PAPOLA: variants seen among roughly 807,000 people sequenced by gnomAD.
PAPOLA encodes the protein poly(A) polymerase alpha.
A neutral mutation model predicts 100.6 loss-of-function variants in PAPOLA; 15 were observed. The observed-to-expected ratio is 0.15, with a 90% confidence interval of 0.10 to 0.23. The LOEUF is 0.23. PAPOLA is among the 10% of genes least tolerant of loss of function. PAPOLA has a pLI of 1.00. For missense variants in PAPOLA, 533 were observed against 884.2 expected, an observed-to-expected ratio of 0.60 and a Z score of 5.04; for synonymous variants, 293 against 300.0, an observed-to-expected ratio of 0.98 and a Z score of 0.24.
chr14:96,556,354 G>A lies in PAPOLA; in HGVS notation c.1945G>A (p.Val649Ile), dbSNP rs1229720764. The A allele has an allele frequency of 3.1e-6, 5 of 1,613,946 alleles. No individual in the cohort carries two copies. The highest frequency in any genetic ancestry group is 4.2e-6 in the Non-Finnish European group (5 of 1,179,870). ...ATKIPTPIVG[V>I]KRTSSPHKEE... ...AAAAATACCTACTCCTATAGTAGGAGTCAAGAGGACATCCTCACCTCATAA... is the reference window on the plus strand; with the variant it reads ...AAAAATACCTACTCCTATAGTAGGAATCAAGAGGACATCCTCACCTCATAA... Residue 649 changes from valine (V) to isoleucine (I), a missense_variant, in exon 19 of 22, where the codon GTC becomes ATC. Val to Ile is a conservative substitution (Grantham distance 29). Around this residue, in one of 9 missense-constraint regions of PAPOLA, gnomAD observed 242 missense variants for 281.0 expected, o/e 0.86. Transcript: ENST00000216277.
intron 6 of PAPOLA, among the ~76,000 whole-genome samples, chr14:96,528,452 C>T (rs1019620978): frequency 2.2e-4 from 34 of 152,162 alleles, no homozygotes; most frequent in African/African-American, 8.2e-4. Context: ...ATGTTCATTT[C>T]TCCTTGCTGC....
At chr14:96,519,425 C>G (rs1897756939) in intron 1 of PAPOLA, among the ~76,000 whole-genome samples, 1 of 152,086 alleles carries the variant, frequency 6.6e-6, no homozygotes, top group Admixed American at 6.5e-5. Flanking sequence ...TTAAAGCATG[C>G]TATGCCTTTT....
At chr14:96,546,570 A>G (rs572841971) in intron 15 of PAPOLA, among the ~76,000 whole-genome samples, 1 of 152,204 alleles carries the variant, frequency 6.6e-6, no homozygotes, top group East Asian at 1.9e-4. Flanking sequence ...TGGAGCCAGA[A>G]GGGTAATAAA....
rs562479640 is a variant in PAPOLA at position 96,531,339 on chromosome 14, C to T, written c.496-136C>T. On this transcript the variant is annotated intron_variant, in intron 6 of 21. Transcript: ENST00000216277. ...TAGAGACAGGGTTTCGCCATGTTGC[C>T]CAGGCTGGTCTTGCTCAAGTGTTCC... The T allele has an allele frequency of 1.4e-5, 9 of 639,056 alleles. No homozygotes were observed. In the South Asian group the frequency reaches 1.6e-4, roughly 11 times the overall value. The allele number at this position is 639,056 out of a possible 1,614,324, so 39.6% of individuals were successfully genotyped here.
chr14:96,537,628 A>G (rs1321773283), intron 12 of PAPOLA: 1 of 153,212 alleles, frequency 6.5e-6, no homozygotes, highest in African/African-American at 2.4e-5. Context: ...TTTAAATATA[A>G]TGGTTTAATA....
rs1283872031 is a variant in PAPOLA, at chr14:96,565,393, T to A, written c.*343T>A. On this transcript the variant is annotated 3_prime_UTR_variant, in exon 22 of 22. Coordinates refer to ENST00000216277, the MANE Select transcript of PAPOLA (RefSeq NM_032632.5). ...GGAAAATTTGCAATACAAACTGGCATAAGAATTACTTATTCTGATGATGCA... is the reference window on the plus strand; with the variant it reads ...GGAAAATTTGCAATACAAACTGGCAAAAGAATTACTTATTCTGATGATGCA... 2 of 308,158 alleles carry A rather than the reference T, an allele frequency of 6.5e-6. No homozygotes were observed. Among genetic ancestry groups the A allele is most frequent in the East Asian group, 1.0e-4 (2 of 19,180 alleles). 19.1% of individuals were successfully genotyped at this position (308,158 alleles called of 1,614,324 possible).
chr14:96,536,440 G>A (rs1436948606), intron 11 of PAPOLA, among the ~76,000 whole-genome samples: 1 of 152,044 alleles, frequency 6.6e-6, no homozygotes. Context: ...TGAAGGTATA[G>A]CTACTACCAA....
chr14:96,527,930 G>A (rs2140274238), intron 5 of PAPOLA, 23 bp from the exon 6 acceptor site: 1 of 1,576,418 alleles, frequency 6.3e-7, no homozygotes, highest in East Asian at 2.2e-5. Flanking sequence ...CAGAGACCCT[G>A]AACTTGTTTA....
At chr14:96,502,956 T>C in intron 1 of PAPOLA, 1 of 275,158 alleles carries the variant, frequency 3.6e-6, no homozygotes, top group Non-Finnish European at 6.8e-6. Context: ...TGCCTGGTGG[T>C]GGGGAACCAC....
At chr14:96,541,810 T>C (rs555278801) in intron 12 of PAPOLA, 1 of 151,848 alleles carries the variant, frequency 6.6e-6, no homozygotes, top group Admixed American at 6.5e-5. Context: ...TTTGATACTG[T>C]TTTTGAAGTT....
intron 1 of PAPOLA, among the ~76,000 whole-genome samples, chr14:96,517,575 A>G (rs959360385): frequency 1.3e-5 from 2 of 152,222 alleles, no homozygotes; most frequent in African/African-American, 4.8e-5. Flanking sequence ...GGGGGAAAAA[A>G]AAACCTGTGT....
At chr14:96,510,002 G>A (rs78505090) in intron 1 of PAPOLA, among the ~76,000 whole-genome samples, 2,126 of 117,482 alleles carry the variant, frequency 0.018, 60 homozygotes, top group African/African-American at 0.067. Context: ...TGGATTGTAT[G>A]TAGGCCTGCT....
At chr14:96,517,739 T>C (rs1300100291) in intron 1 of PAPOLA, among the ~76,000 whole-genome samples, 1 of 150,476 alleles carries the variant, frequency 6.6e-6, no homozygotes, top group Non-Finnish European at 1.5e-5. Flanking sequence ...AGTTTTGCTC[T>C]GTTGCCCAGG....
chr14:96,548,866 A>T (rs1900604498), intron 16 of PAPOLA, among the ~76,000 whole-genome samples: 1 of 152,216 alleles, frequency 6.6e-6, no homozygotes, highest in African/African-American at 2.4e-5. Flanking sequence ...TTTGTTTCTT[A>T]AAACAATATA....
intron 3 of PAPOLA, among the ~76,000 whole-genome samples, chr14:96,522,064 A>AGTGCTT (rs1898016450): frequency 6.7e-6 from 1 of 149,352 alleles, no homozygotes; most frequent in Admixed American, 6.6e-5. Flanking sequence ...GGCCTCCCAA[A>AGTGCTT]GTGCTTGGGA....
chr14:96,549,494 T>C (rs1291570009), intron 16 of PAPOLA, among the ~76,000 whole-genome samples: 3 of 152,116 alleles, frequency 2.0e-5, no homozygotes, highest in African/African-American at 4.8e-5. Flanking sequence ...GTGATCCGCC[T>C]GCCTCAGCCT....
At chr14:96,502,771 TTCCCCCCGTGTGCTGGGTTCCCGCG>T in intron 1 of PAPOLA, 171 bp downstream of exon 1, 1 of 593,576 alleles carries the variant, frequency 1.7e-6, no homozygotes. Context: ...GCCGCCGCAC[TTCCCCCCGTGTGCTGGGTTCCCGCG>T]TCCCCCGACC....
chr14:96,510,872 G>A (rs1566832198), intron 1 of PAPOLA, among the ~76,000 whole-genome samples: 1 of 152,138 alleles, frequency 6.6e-6, no homozygotes, highest in Admixed American at 6.5e-5. Context: ...CTATCATGCC[G>A]TATACCTTGT....
rs1397456294 is a variant in PAPOLA, at chr14:96,502,482, C to T, written c.-111C>T. On this transcript the variant is annotated 5_prime_UTR_variant, in exon 1 of 22. Transcript: ENST00000216277. ...AGCGGTGCGGGAGAGGGGTTGGACCCAGGGCTGAGGCAGGCCCCCCCCTCC... is the reference window on the plus strand; with the variant it reads ...AGCGGTGCGGGAGAGGGGTTGGACCTAGGGCTGAGGCAGGCCCCCCCCTCC... 3.6e-6 allele frequency: 3 copies of T among 831,532 alleles called. No individual in the cohort carries two copies. Among genetic ancestry groups the T allele is most frequent in the Non-Finnish European group, 5.9e-6 (3 of 510,320 alleles). The allele number at this position is 831,532 out of a possible 1,614,324, so 51.5% of individuals were successfully genotyped here. A position where few individuals can be genotyped will look rare whatever the true frequency, so the allele number is the denominator to read the frequency against.
Sources: allele counts gnomAD v4.1 joint callset (sites outside exome capture counted in the v4.1 genomes callset), GRCh38; gene constraint gnomAD v4.1.1; regional missense constraint gnomAD v4.1.1; transcripts MANE v1.5; gene names NCBI Gene and HGNC (gene_info 2026-07-23, HGNC 2026-07-21).